NRXN1: variants seen among roughly 807,000 people sequenced by gnomAD.
NRXN1 encodes neurexin-1.
NRXN1 carries 39 observed loss-of-function variants against 150.9 expected under a neutral mutation model. That is an observed-to-expected ratio of 0.26 (90% CI 0.20 to 0.34). The LOEUF is 0.34. Ranked by LOEUF, NRXN1 falls within the 10% of genes least tolerant of loss-of-function variation. The pLI, the probability that NRXN1 is intolerant of heterozygous loss-of-function variation, is 1.00. For missense variants in NRXN1, 1,815 were observed against 1,949.9 expected (o/e 0.93, Z 1.30); for synonymous variants, 924 against 757.0 (o/e 1.22, Z -3.62).
chr2:50,733,815 T>G (rs1331554162), intron 5 of NRXN1, among the ~76,000 whole-genome samples: 2 of 152,162 alleles, frequency 1.3e-5, no homozygotes, highest in East Asian at 3.8e-4. Context: ...TCTAAGAAAT[T>G]GAACTTAACT....
intron 8 of NRXN1, among the ~76,000 whole-genome samples, chr2:50,599,139 G>C (rs1321425767): frequency 2.0e-5 from 3 of 152,104 alleles, no homozygotes; most frequent in African/African-American, 7.2e-5. Context: ...CGTATCTGTA[G>C]ATACTTTTAT....
chr2:50,494,539 T>C (rs1328848249), intron 15 of NRXN1, among the ~76,000 whole-genome samples: 3 of 152,150 alleles, frequency 2.0e-5, no homozygotes. Flanking sequence ...AGCCAAGCTA[T>C]TAGATTTGTG....
chr2:50,303,482 T>G (rs972112700), intron 17 of NRXN1, among the ~76,000 whole-genome samples: 19 of 152,308 alleles, frequency 1.2e-4, no homozygotes, highest in African/African-American at 4.3e-4. Context: ...TACAGCCAAC[T>G]TAAGTCATTA....
At chr2:49,970,716 G>C (rs1290847142) in intron 21 of NRXN1, 2 of 152,120 alleles carry the variant, frequency 1.3e-5, no homozygotes, top group Non-Finnish European at 2.9e-5. Flanking sequence ...AAATGCTAAA[G>C]AATGTATAAA....
chr2:50,927,524 AT>A (rs1041032488), intron 2 of NRXN1, among the ~76,000 whole-genome samples: 1 of 152,026 alleles, frequency 6.6e-6, no homozygotes, highest in African/African-American at 2.4e-5. Flanking sequence ...ATTAGGCTGA[AT>A]TTGTTACTTT....
chr2:50,386,059 C>T (rs1265693523), intron 17 of NRXN1, among the ~76,000 whole-genome samples: 2 of 151,798 alleles, frequency 1.3e-5, no homozygotes, highest in East Asian at 3.9e-4. Context: ...CAAATGTCTA[C>T]ATAGATCTCT....
At chr2:50,106,488 G>A (rs908530632) in intron 18 of NRXN1, among the ~76,000 whole-genome samples, 4 of 151,970 alleles carry the variant, frequency 2.6e-5, no homozygotes, top group Non-Finnish European at 5.9e-5. Context: ...CAATTAACAA[G>A]TAATAACCTA....
At chr2:50,598,237 G>A (rs1341405754) in intron 8 of NRXN1, among the ~76,000 whole-genome samples, 3 of 151,850 alleles carry the variant, frequency 2.0e-5, no homozygotes, top group Admixed American at 2.0e-4. Context: ...AATTTTGCCT[G>A]CCCTTATCCA....
intron 8 of NRXN1, among the ~76,000 whole-genome samples, chr2:50,610,663 A>ATCTATC (rs1559015683): frequency 6.4e-5 from 8 of 124,070 alleles, no homozygotes; most frequent in African/African-American, 2.4e-4. Context: ...ATATATATAT[A>ATCTATC]TATATATATA....
At chr2:50,027,182 C>T (rs1039340286) in intron 21 of NRXN1, among the ~76,000 whole-genome samples, 28 of 152,006 alleles carry the variant, frequency 1.8e-4, no homozygotes, top group African/African-American at 6.7e-4. Context: ...GCACCTGGCC[C>T]TGTTTACTTT....
intron 5 of NRXN1, among the ~76,000 whole-genome samples, chr2:50,886,434 T>G (rs1438196214): frequency 6.6e-6 from 1 of 151,370 alleles, no homozygotes; most frequent in Admixed American, 6.6e-5. Flanking sequence ...TGGTTTCTAT[T>G]CAAATTAATA....
chr2:50,171,114 G>T (rs912347137), intron 18 of NRXN1, among the ~76,000 whole-genome samples: 3 of 152,066 alleles, frequency 2.0e-5, no homozygotes, highest in African/African-American at 7.2e-5. Context: ...TTCACATTCA[G>T]TAGGCTGAGG....
At chr2:50,838,576 C>A (rs567438344) in intron 5 of NRXN1, among the ~76,000 whole-genome samples, 35 of 152,100 alleles carry the variant, frequency 2.3e-4, no homozygotes, top group Admixed American at 2.2e-3. Context: ...GTGTGGGCTC[C>A]AATCCAGTAT....
intron 5 of NRXN1, among the ~76,000 whole-genome samples, chr2:50,874,467 G>C (rs2106115701): frequency 6.6e-6 from 1 of 151,812 alleles, no homozygotes; most frequent in South Asian, 2.1e-4. Context: ...GGAGAAAGGG[G>C]AGACTTCAGG....
chr2:50,133,875 T>A (rs1228772905), intron 18 of NRXN1, among the ~76,000 whole-genome samples: 3 of 152,186 alleles, frequency 2.0e-5, no homozygotes, highest in Non-Finnish European at 4.4e-5. Context: ...TTTATTTGCT[T>A]GTGTCTAATA....
At chr2:50,941,645 C>T (rs1454889598) in intron 2 of NRXN1, among the ~76,000 whole-genome samples, 1 of 152,152 alleles carries the variant, frequency 6.6e-6, no homozygotes, top group African/African-American at 2.4e-5. Context: ...ACATGTCTGG[C>T]AGAAGAAATT....
intron 5 of NRXN1, among the ~76,000 whole-genome samples, chr2:50,804,738 C>T (rs1354671685): frequency 1.3e-5 from 2 of 152,274 alleles, no homozygotes; most frequent in South Asian, 2.1e-4. Context: ...CTCCTCACTA[C>T]TCCCACCTCT....
chr2:50,330,966 T>C (rs80260159), intron 17 of NRXN1, among the ~76,000 whole-genome samples: 275 of 152,336 alleles, frequency 1.8e-3, no homozygotes, highest in African/African-American at 6.4e-3. Context: ...TCCCACTTTA[T>C]ACTCCGTTTC....
chr2:50,383,389 A>C (rs2103700915), intron 17 of NRXN1, among the ~76,000 whole-genome samples: 1 of 152,312 alleles, frequency 6.6e-6, no homozygotes, highest in Non-Finnish European at 1.5e-5. Flanking sequence ...GCTACCATTA[A>C]GAGGAAATCT....
Sources: allele counts gnomAD v4.1 joint callset (sites outside exome capture counted in the v4.1 genomes callset), GRCh38; gene constraint gnomAD v4.1.1; transcripts MANE v1.5; gene names NCBI Gene and HGNC (gene_info 2026-07-23, HGNC 2026-07-21).